GPD2: variants seen among roughly 807,000 people sequenced by gnomAD.
GPD2 encodes the protein glycerol-3-phosphate dehydrogenase, mitochondrial.
In GPD2, 54 loss-of-function variants were observed where a neutral mutation model predicts 82.4. The observed-to-expected ratio is 0.66, with a 90% confidence interval of 0.53 to 0.82. The LOEUF is 0.82. Ranked by LOEUF, GPD2 falls within the 40% of genes least tolerant of loss-of-function variation. The pLI is 0.00. For synonymous variants in GPD2, 288 were observed against 306.1 expected, an observed-to-expected ratio of 0.94 and a Z score of 0.62; for missense variants, 748 against 896.2, an observed-to-expected ratio of 0.83 and a Z score of 2.11.
chr2:156,435,066 T>C (rs1445680644), upstream of GPD2, among the ~76,000 whole-genome samples: 1 of 152,128 alleles, frequency 6.6e-6, no homozygotes, highest in East Asian at 1.9e-4. Flanking sequence ...CTGTGGACTA[T>C]GGATGGTTCC....
intron 16 of GPD2, among the ~76,000 whole-genome samples, chr2:156,580,799 CA>C (rs1302869332): frequency 6.6e-6 from 1 of 152,078 alleles, no homozygotes; most frequent in Non-Finnish European, 1.5e-5. Context: ...TCCAGCATTA[CA>C]AAAAAGAATG....
At chr2:156,485,510 T>A (rs1683906928) in intron 2 of GPD2, among the ~76,000 whole-genome samples, 1 of 152,254 alleles carries the variant, frequency 6.6e-6, no homozygotes, top group African/African-American at 2.4e-5. Flanking sequence ...ATGGACTGTA[T>A]GCAATGTAGG....
At chr2:156,576,766 A>G (rs1687836242) in intron 13 of GPD2, among the ~76,000 whole-genome samples, 1 of 152,228 alleles carries the variant, frequency 6.6e-6, no homozygotes, top group Non-Finnish European at 1.5e-5. Flanking sequence ...TTGATGGAGT[A>G]TAGATAAATT....
At chr2:156,550,889 A>G in intron 8 of GPD2, 143 bp downstream of exon 8, 1 of 775,964 alleles carries the variant, frequency 1.3e-6, no homozygotes, top group Middle Eastern at 3.0e-4. Context: ...AACTCTTCCA[A>G]AACACAAAAT....
chr2:156,547,574 TG>T (rs1686594064), intron 6 of GPD2, among the ~76,000 whole-genome samples: 1 of 152,158 alleles, frequency 6.6e-6, no homozygotes, highest in African/African-American at 2.4e-5. Context: ...TGCTGGGAAC[TG>T]GGGAGTGGAC....
intron 8 of GPD2, among the ~76,000 whole-genome samples, chr2:156,554,425 G>T (rs1686883210): frequency 6.6e-6 from 1 of 152,214 alleles, no homozygotes; most frequent in African/African-American, 2.4e-5. Flanking sequence ...GGCTGGTAAA[G>T]GAAGAGTAAG....
At chr2:156,464,166 A>G (rs1053518713) in intron 1 of GPD2, among the ~76,000 whole-genome samples, 1 of 152,164 alleles carries the variant, frequency 6.6e-6, no homozygotes, top group African/African-American at 2.4e-5. Flanking sequence ...GGGATGGAGC[A>G]TTTAGGAAAT....
At chr2:156,496,766 A>C (rs976574486) in intron 3 of GPD2, among the ~76,000 whole-genome samples, 3 of 152,138 alleles carry the variant, frequency 2.0e-5, no homozygotes, top group African/African-American at 7.2e-5. Context: ...ACATTTTTAT[A>C]TCACTTGAAA....
chr2:156,533,761 C>T (rs747532238), intron 6 of GPD2, among the ~76,000 whole-genome samples: 1 of 152,124 alleles, frequency 6.6e-6, no homozygotes, highest in Non-Finnish European at 1.5e-5. Flanking sequence ...GTTCTCTGAC[C>T]CCCCTCGCAG....
chr2:156,527,841 T>G (rs574786977), intron 6 of GPD2, among the ~76,000 whole-genome samples: 24 of 152,196 alleles, frequency 1.6e-4, no homozygotes, highest in African/African-American at 5.8e-4. Context: ...TTTCTTAGTT[T>G]TTAACCCGAG....
At chr2:156,487,849 T>C (rs1465155497) in intron 2 of GPD2, among the ~76,000 whole-genome samples, 6 of 152,250 alleles carry the variant, frequency 3.9e-5, no homozygotes, top group African/African-American at 1.4e-4. Flanking sequence ...TCAGCTCATA[T>C]AGTCAATTAC....
chr2:156,476,262 C>A (rs1318463493), intron 2 of GPD2, 55 bp downstream of exon 2: 7 of 937,396 alleles, frequency 7.5e-6, no homozygotes, highest in Non-Finnish European at 1.2e-5. Context: ...TGCTAAAGAG[C>A]TGTCTATGGG....
the GPD2 span, among the ~76,000 whole-genome samples, chr2:156,423,966 C>T: frequency 6.6e-6 from 1 of 152,290 alleles, no homozygotes; most frequent in East Asian, 1.9e-4. Context: ...CCAAAAGCCA[C>T]GCCAGGTGGC....
At chr2:156,535,896 G>A (rs1558948580) in intron 6 of GPD2, among the ~76,000 whole-genome samples, 1 of 152,188 alleles carries the variant, frequency 6.6e-6, no homozygotes, top group Non-Finnish European at 1.5e-5. Context: ...GTGGAAGAGA[G>A]AGAGGAATAG....
chr2:156,428,404 A>G, the GPD2 span, among the ~76,000 whole-genome samples: 5 of 152,248 alleles, frequency 3.3e-5, no homozygotes, highest in African/African-American at 4.8e-5. Flanking sequence ...CTGTATTTCA[A>G]TACTATAAGA....
Position 156,543,738 on chromosome 2 carries a change from T to C in GPD2, c.662-5870T>C, listed in dbSNP as rs140483271. 2.9e-3 allele frequency among the ~76,000 whole-genome samples: 447 copies of C among 152,232 alleles called. 5 individuals carry two copies. Among genetic ancestry groups the C allele is most frequent in the African/African-American group, 9.6e-3 (400 of 41,548 alleles). The stretch of plus-strand genomic sequence containing the variant: ...AGAAATCAGAGGTGTGGAAGAGCAA[T>C]ATTTTATTTGAGTTTGGGCACTGCG... On this transcript the variant is annotated intron_variant, in intron 6 of 16. Coordinates refer to ENST00000438166, the MANE Select transcript of GPD2 (RefSeq NM_000408.5).
chr2:156,430,746 G>C (rs2105123771), upstream of GPD2, among the ~76,000 whole-genome samples: 6 of 152,312 alleles, frequency 3.9e-5, no homozygotes, highest in Middle Eastern at 0.02. Flanking sequence ...CCTGGCTATG[G>C]GAAAAATTTG....
intron 15 of GPD2, among the ~76,000 whole-genome samples, 184 bp from the exon 16 acceptor site, chr2:156,579,506 A>G (rs1271628577): frequency 6.6e-6 from 1 of 151,374 alleles, no homozygotes; most frequent in East Asian, 1.9e-4. Flanking sequence ...TTTTTAAAAT[A>G]TTTTTTGCAG....
intron 1 of GPD2, chr2:156,473,774 C>T (rs1683412250): frequency 6.6e-6 from 1 of 152,164 alleles, no homozygotes; most frequent in Admixed American, 6.5e-5. Flanking sequence ...TGAATGTTTA[C>T]AACAGTACAT....
Sources: allele counts gnomAD v4.1 joint callset (sites outside exome capture counted in the v4.1 genomes callset), GRCh38; gene constraint gnomAD v4.1.1; transcripts MANE v1.5; gene names NCBI Gene and HGNC (gene_info 2026-07-23, HGNC 2026-07-21).